The following LGALS12 variants were observed in gnomAD, a reference collection of about 807,000 sequenced individuals.
LGALS12 encodes the protein galectin-12.
LGALS12 carries 36 observed loss-of-function variants against 36.8 expected under a neutral mutation model. The observed-to-expected ratio is 0.98, with a 90% CI of 0.75 to 1.29. The LOEUF is 1.29. Among genes scored for constraint, LGALS12 ranks in the 50% most tolerant of loss-of-function variants. The pLI is 0.00. For synonymous variants in LGALS12, 145 were observed against 155.9 expected (o/e 0.93, Z 0.52); for missense variants, 366 against 394.3 (o/e 0.93, Z 0.61).
Position 63,516,236 on chromosome 11 carries a change from TC to T in LGALS12, c.799-9del. On this transcript the variant is annotated splice_polypyrimidine_tract_variant and intron_variant, in intron 8 of 8. Coordinates refer to ENST00000394618, the MANE Select transcript of LGALS12 (RefSeq NM_033101.4). ...TGGAAGCTGCAACCCCCTCATGTCC[TC>T]CTTTCCCAGGTGCTGCTCCTGTTCC... 1 of 1,550,588 alleles carries T rather than the reference TC, an allele frequency of 6.4e-7. No homozygotes were observed.
intron 8 of LGALS12, 126 bp downstream of exon 8, chr11:63,515,839 C>A: frequency 1.0e-6 from 1 of 955,716 alleles, no homozygotes; most frequent in Non-Finnish European, 1.6e-6. Flanking sequence ...CCAGAGCCAG[C>A]AGAGCACAGC....
chr11:63,516,134 G>C (rs536105513), intron 8 of LGALS12, 113 bp from the exon 9 acceptor site: 2 of 1,347,134 alleles, frequency 1.5e-6, no homozygotes, highest in South Asian at 2.9e-5. Flanking sequence ...GGTGCCCCCT[G>C]GGTCCAGTCT....
intron 7 of LGALS12, among the ~76,000 whole-genome samples, chr11:63,514,375 C>T (rs1454333707): frequency 6.6e-6 from 1 of 152,080 alleles, no homozygotes; most frequent in Non-Finnish European, 1.5e-5. Context: ...ATCGAGACCA[C>T]CCTGGCCAAC....
intron 1 of LGALS12, among the ~76,000 whole-genome samples, chr11:63,507,512 G>A (rs1406529784): frequency 2.0e-5 from 3 of 152,050 alleles, no homozygotes; most frequent in Non-Finnish European, 2.9e-5. Flanking sequence ...TTATAAACTA[G>A]GGAAAAAAGC....
rs771539301 is a variant in LGALS12 at position 63,509,002 on chromosome 11, G to A, written c.372+11G>A. 1.2e-6 allele frequency: 2 copies of A among 1,607,028 alleles called. No homozygotes were observed. The highest frequency in any genetic ancestry group is 2.2e-5 in the South Asian group (2 of 90,880). On this transcript the variant is annotated intron_variant, in intron 3 of 8. Coordinates refer to ENST00000394618, the MANE Select transcript of LGALS12 (RefSeq NM_033101.4). ...AATGAGGAAGTGAAGGTGAAGGAAG[G>A]GACGGGCATTGGGTGGTCTAGAATT...
rs769572149 is a variant in LGALS12, at chr11:63,515,578, G to A, written c.663G>A (p.Leu221=). ...LQEPKHFTVS[L]RDQAAHAPVT... ...CTTCCTGCAGTTTTACTGTGAGCCT[G>A]AGGGACCAGGCTGCCCATGCTCCTG... is the stretch of plus-strand genomic sequence containing the variant. Residue 221 remains leucine (L), a synonymous_variant, in exon 8 of 9, where the codon CTG becomes CTA. Transcript: ENST00000394618. The A allele has an allele frequency of 3.4e-5, 55 of 1,614,074 alleles. No homozygotes were observed. Among genetic ancestry groups the A allele is most frequent in the Non-Finnish European group, 4.2e-5 (50 of 1,180,026 alleles).
chr11:63,510,373 A>G, intron 4 of LGALS12, 90 bp from the exon 5 acceptor site: 4 of 1,322,116 alleles, frequency 3.0e-6, no homozygotes, highest in Non-Finnish European at 4.4e-6. Flanking sequence ...GAGGAGCTGT[A>G]AAGGCCAGGG....
chr11:63,513,585 C>T (rs919103569), intron 7 of LGALS12, among the ~76,000 whole-genome samples: 2 of 152,146 alleles, frequency 1.3e-5, no homozygotes, highest in Non-Finnish European at 2.9e-5. Context: ...CCAGTTCAGC[C>T]GAGATCCACC....
chr11:63,507,231 C>T lies in LGALS12; in HGVS notation c.69+704C>T, dbSNP rs371673926. Among the ~76,000 whole-genome samples the T allele has an allele frequency of 1.1e-4, 17 of 152,280 alleles. No individual in the cohort carries two copies. In the South Asian group the frequency reaches 3.5e-3, roughly 32 times the overall value. On this transcript the variant is annotated intron_variant, in intron 1 of 8. Coordinates refer to ENST00000394618, the MANE Select transcript of LGALS12 (RefSeq NM_033101.4). The stretch of plus-strand genomic sequence containing the variant: ...CCTGAGGAATGGGCTGAAGCAGCTG[C>T]CCAGGTTACGGCAGCTCCTTGCTTT...
chr11:63,511,635 T>C (rs2016924078), intron 6 of LGALS12, 117 bp from the exon 7 acceptor site: 1 of 689,610 alleles, frequency 1.5e-6, no homozygotes, highest in South Asian at 1.6e-5. Context: ...CAGCGTGTCC[T>C]GGCGGCAGGC....
intron 8 of LGALS12, among the ~76,000 whole-genome samples, 164 bp from the exon 9 acceptor site, chr11:63,516,083 A>G (rs1242783579): frequency 6.6e-6 from 1 of 152,226 alleles, no homozygotes; most frequent in East Asian, 1.9e-4. Context: ...GGCTGGTGAC[A>G]AGCCGGGCCC....
Position 63,516,470 on chromosome 11 carries a change from A to G in LGALS12, c.*77A>G, listed in dbSNP as rs2017088400. 6.5e-7 allele frequency: 1 copy of G among 1,538,958 alleles called. No individual in the cohort carries two copies. ...AGGGCCCCACTCTCCTCCCCTCATT[A>G]AACCATCCACCTGACACCAGCACAT... On this transcript the variant is annotated 3_prime_UTR_variant, in exon 9 of 9. Coordinates refer to ENST00000394618, the MANE Select transcript of LGALS12 (RefSeq NM_033101.4).
chr11:63,511,248 G>A (rs1268312557), intron 6 of LGALS12, 143 bp downstream of exon 6: 2 of 776,516 alleles, frequency 2.6e-6, no homozygotes, highest in Non-Finnish European at 2.2e-6. Flanking sequence ...GGTGGGCCAG[G>A]CAGCTTATGC....
chr11:63,515,843 G>A, intron 8 of LGALS12, 130 bp downstream of exon 8: 1 of 943,114 alleles, frequency 1.1e-6, no homozygotes, highest in Admixed American at 2.5e-5. Flanking sequence ...AGCCAGCAGA[G>A]CACAGCGAAT....
rs1031357268 is a variant in LGALS12 at position 63,506,153 on chromosome 11, C to A, written c.-306C>A. ...CTGCAATGGCCATGTGCTGCAGACCCGGAGTGGGTAGTTAGTTGGTTAATG... is the reference window on the plus strand; with the variant it reads ...CTGCAATGGCCATGTGCTGCAGACCAGGAGTGGGTAGTTAGTTGGTTAATG... On this transcript the variant is annotated 5_prime_UTR_variant, in exon 1 of 9. Coordinates refer to ENST00000394618, the MANE Select transcript of LGALS12 (RefSeq NM_033101.4). 3.9e-6 allele frequency: 2 copies of A among 515,138 alleles called. No homozygotes were observed. Among genetic ancestry groups the A allele is most frequent in the African/African-American group, 1.9e-5 (1 of 51,932 alleles). The allele number at this position is 515,138 out of a possible 1,614,324, so 31.9% of individuals were successfully genotyped here.
Position 63,510,456 on chromosome 11 carries a change from T to A in LGALS12, c.493-7T>A. The A allele has an allele frequency of 6.2e-7, 1 of 1,614,166 alleles. No individual in the cohort carries two copies. The highest frequency in any genetic ancestry group is 8.5e-7 in the Non-Finnish European group (1 of 1,179,964). On this transcript the variant is annotated splice_region_variant and splice_polypyrimidine_tract_variant and intron_variant, in intron 4 of 8. Transcript: ENST00000394618. ...TGCTGCTGATTCTTTTCTCTCTTTCTGAACAGCCATTTGTGGAGGGCAGCA... is the reference window on the plus strand; with the variant it reads ...TGCTGCTGATTCTTTTCTCTCTTTCAGAACAGCCATTTGTGGAGGGCAGCA...
At chr11:63,514,745 A>G (rs942209639) in intron 7 of LGALS12, among the ~76,000 whole-genome samples, 12 of 151,786 alleles carry the variant, frequency 7.9e-5, no homozygotes, top group African/African-American at 2.7e-4. Context: ...TGTCCTCATC[A>G]CTTAAATGGG....
chr11:63,515,453 G>A, intron 7 of LGALS12, 110 bp from the exon 8 acceptor site: 1 of 1,273,246 alleles, frequency 7.9e-7, no homozygotes. Flanking sequence ...GGAGGCTGAA[G>A]CAGCTCAACC....
intron 1 of LGALS12, among the ~76,000 whole-genome samples, chr11:63,506,832 T>C (rs1235423377): frequency 6.6e-6 from 1 of 152,066 alleles, no homozygotes; most frequent in Non-Finnish European, 1.5e-5. Context: ...GGTAGGATTG[T>C]TGGGGGAATG....
Sources: gnomAD v4.1 joint callset for allele counts (sites outside exome capture counted in the v4.1 genomes callset) on GRCh38, gnomAD v4.1.1 for gene constraint, MANE v1.5 for transcripts, NCBI Gene and HGNC (gene_info 2026-07-23, HGNC 2026-07-21) for gene names.